VPS13B: variants seen among roughly 807,000 people sequenced by gnomAD.
VPS13B encodes vacuolar protein sorting 13 homolog B.
In VPS13B, 285 loss-of-function variants were observed where a neutral mutation model predicts 426.4. The observed-to-expected ratio is 0.67, with a 90% CI of 0.61 to 0.74. VPS13B has a LOEUF of 0.74. Ranked by LOEUF, VPS13B falls within the 30% of genes least tolerant of loss-of-function variation. The pLI is 0.00. For synonymous variants in VPS13B, 1,676 were observed against 1,676.4 expected (o/e 1.00, Z 0.01); for missense variants, 4,537 against 4,782.6 (o/e 0.95, Z 1.51).
chr8:99,367,014 T>G (rs2133251960), intron 19 of VPS13B, among the ~76,000 whole-genome samples: 1 of 152,362 alleles, frequency 6.6e-6, no homozygotes, highest in South Asian at 2.1e-4. Context: ...TTTTAATCTT[T>G]CTACTTAAGA....
Position 99,697,110 on chromosome 8 carries a change from T to G in VPS13B, c.6047-2415T>G, listed in dbSNP as rs573956420. 3 of 525,066 alleles carry G rather than the reference T, an allele frequency of 5.7e-6. No individual in the cohort carries two copies. In the South Asian group the frequency reaches 5.8e-5, roughly 10 times the overall value. 32.5% of individuals were successfully genotyped at this position (525,066 alleles called of 1,614,324 possible). ...CAGACGATGTACCTCCCAGAAACTCTTGCCAGCTGACCAGCTCAAGTCCAT... is the reference window on the plus strand; with the variant it reads ...CAGACGATGTACCTCCCAGAAACTCGTGCCAGCTGACCAGCTCAAGTCCAT... On this transcript the variant is annotated intron_variant, in intron 35 of 61. Coordinates refer to ENST00000357162, the MANE Select transcript of VPS13B (RefSeq NM_152564.5).
intron 30 of VPS13B, among the ~76,000 whole-genome samples, chr8:99,539,957 AT>A (rs1217133201): frequency 1.5e-5 from 2 of 135,052 alleles, no homozygotes; most frequent in African/African-American, 5.5e-5. Flanking sequence ...TATATATAGC[AT>A]TTATATATAA....
chr8:99,440,427 A>G (rs1413344106), intron 22 of VPS13B, among the ~76,000 whole-genome samples: 2 of 152,126 alleles, frequency 1.3e-5, no homozygotes, highest in African/African-American at 4.8e-5. Flanking sequence ...ATATTCAGTA[A>G]TATAAATCAC....
At chr8:99,720,748 A>G in intron 38 of VPS13B, 115 bp from the exon 39 acceptor site, 1 of 1,174,722 alleles carries the variant, frequency 8.5e-7, no homozygotes, top group African/African-American at 1.5e-5. Flanking sequence ...ATATATAAAA[A>G]TGACCAACTA....
At chr8:99,110,922 A>G (rs1156339277) in intron 5 of VPS13B, among the ~76,000 whole-genome samples, 176 bp from the exon 6 acceptor site, 2 of 152,002 alleles carry the variant, frequency 1.3e-5, no homozygotes, top group African/African-American at 4.8e-5. Context: ...TGGAAGATTT[A>G]AATTGTATAA....
intron 15 of VPS13B, among the ~76,000 whole-genome samples, chr8:99,163,042 G>A (rs1364441084): frequency 6.6e-6 from 1 of 152,196 alleles, no homozygotes; most frequent in Non-Finnish European, 1.5e-5. Flanking sequence ...AGAGCGGCTA[G>A]ATACAGAGTG....
chr8:99,474,272 T>C (rs1388383856), intron 24 of VPS13B, among the ~76,000 whole-genome samples: 1 of 146,142 alleles, frequency 6.8e-6, no homozygotes, highest in African/African-American at 2.5e-5. Flanking sequence ...CACTGCAACC[T>C]CCTCCTCGCA....
At chr8:99,079,636 A>G (rs1244830225) in intron 3 of VPS13B, among the ~76,000 whole-genome samples, 10 of 152,160 alleles carry the variant, frequency 6.6e-5, no homozygotes, top group African/African-American at 2.2e-4. Flanking sequence ...AAGTTTATGT[A>G]CATTGATTTT....
chr8:99,235,897 C>G (rs1237836967), intron 17 of VPS13B, among the ~76,000 whole-genome samples: 1 of 152,054 alleles, frequency 6.6e-6, no homozygotes. Flanking sequence ...ACAATGGTAA[C>G]CACTTATTTA....
intron 19 of VPS13B, among the ~76,000 whole-genome samples, chr8:99,314,203 G>T (rs1436558804): frequency 6.6e-6 from 1 of 152,138 alleles, no homozygotes; most frequent in Non-Finnish European, 1.5e-5. Context: ...AAGCCCCAGT[G>T]AGATGAACCC....
chr8:99,481,504 C>A, intron 24 of VPS13B, 95 bp from the exon 25 acceptor site: 5 of 1,346,160 alleles, frequency 3.7e-6, no homozygotes, highest in Non-Finnish European at 5.3e-6. Flanking sequence ...AATTTTATTT[C>A]TCTGGAATAG....
chr8:99,637,465 C>G (rs1367523395), intron 33 of VPS13B, among the ~76,000 whole-genome samples: 1 of 152,016 alleles, frequency 6.6e-6, no homozygotes, highest in Non-Finnish European at 1.5e-5. Context: ...CAGAGTCTTT[C>G]ATCTCTAGGT....
intron 19 of VPS13B, among the ~76,000 whole-genome samples, chr8:99,315,771 G>T (rs1809616415): frequency 6.6e-6 from 1 of 152,152 alleles, no homozygotes; most frequent in Non-Finnish European, 1.5e-5. Context: ...CGAGTAGCTA[G>T]GACTACGGGC....
intron 2 of VPS13B, among the ~76,000 whole-genome samples, chr8:99,023,089 G>A (rs1841976333): frequency 6.6e-6 from 1 of 151,736 alleles, no homozygotes; most frequent in Non-Finnish European, 1.5e-5. Context: ...CATGGGCTCA[G>A]GTGATTCTCT....
intron 51 of VPS13B, among the ~76,000 whole-genome samples, chr8:99,827,672 G>A (rs1814778287): frequency 6.6e-6 from 1 of 151,850 alleles, no homozygotes; most frequent in Admixed American, 6.6e-5. Context: ...TAACTGTGAT[G>A]TTAGGGTGTC....
At chr8:99,608,095 T>C (rs903786301) in intron 33 of VPS13B, among the ~76,000 whole-genome samples, 1 of 152,096 alleles carries the variant, frequency 6.6e-6, no homozygotes, top group Non-Finnish European at 1.5e-5. Context: ...ATTGTGGATA[T>C]TCTTCCTTGA....
At chr8:99,793,284 T>TATATATATATATATATATAA (rs1282918685) in intron 43 of VPS13B, among the ~76,000 whole-genome samples, 5 of 142,536 alleles carry the variant, frequency 3.5e-5, no homozygotes, top group African/African-American at 1.3e-4. Flanking sequence ...TATATATATA[T>TATATATATATATATATATAA]AAAATACATG....
chr8:99,143,025 C>G lies in VPS13B; in HGVS notation c.1703C>G (p.Thr568Arg). The G allele has an allele frequency of 5.0e-6, 8 of 1,613,650 alleles. No individual in the cohort carries two copies. Among genetic ancestry groups the G allele is most frequent in the Non-Finnish European group, 6.8e-6 (8 of 1,179,862 alleles). Residue 568 changes from threonine (T) to arginine (R), a missense_variant, in exon 13 of 62, where the codon ACA becomes AGA. This residue lies in a region of VPS13B where 4,311 missense variants were observed against 4,474.3 expected (regional missense o/e 0.96). Coordinates refer to ENST00000357162, the MANE Select transcript of VPS13B (RefSeq NM_152564.5). ...TCAGGGAAAAGTGAAGATTTGGGAA[C>G]AGTTCAGGAGAAGTCCACCAAAAGC... Reference protein sequence around the residue: ...FSSGKSEDLGTVQEKSTKSLV... With the variant: ...FSSGKSEDLGRVQEKSTKSLV...
intron 25 of VPS13B, among the ~76,000 whole-genome samples, chr8:99,490,324 C>T (rs757705748): frequency 5.3e-5 from 8 of 152,056 alleles, no homozygotes; most frequent in Admixed American, 3.9e-4. Context: ...TGATGATTTT[C>T]GCGTTGATGT....
Sources: allele counts gnomAD v4.1 joint callset (sites outside exome capture counted in the v4.1 genomes callset), GRCh38; gene constraint gnomAD v4.1.1; regional missense constraint gnomAD v4.1.1; transcripts MANE v1.5; gene names NCBI Gene and HGNC (gene_info 2026-07-23, HGNC 2026-07-21).